The following HTR1F variants were observed in gnomAD, a reference collection of about 807,000 sequenced individuals.
HTR1F encodes 5-hydroxytryptamine (serotonin) receptor 1F, G protein-coupled.
In HTR1F, 17 loss-of-function variants were observed where a neutral mutation model predicts 24.0. That is an observed-to-expected ratio of 0.71 (90% confidence interval 0.48 to 1.06). The LOEUF (loss-of-function observed/expected upper bound fraction) is 1.06, where lower values mean the gene tolerates loss of function less well. HTR1F is among the 50% of genes least tolerant of loss of function. The pLI, the probability that HTR1F is intolerant of heterozygous loss-of-function variation, is 0.00. For synonymous variants in HTR1F, 186 were observed against 156.8 expected (o/e 1.19, Z -1.39); for missense variants, 391 against 427.8 (o/e 0.91, Z 0.76).
At chr3:87,854,720 T>C (rs2107214844) in intron 2 of HTR1F, among the ~76,000 whole-genome samples, 1 of 152,210 alleles carries the variant, frequency 6.6e-6, no homozygotes, top group South Asian at 2.1e-4. Context: ...TAAAAATTTA[T>C]TTGCAACAGA....
chr3:87,970,253 A>C (rs1487003888), intron 2 of HTR1F, among the ~76,000 whole-genome samples: 1 of 152,214 alleles, frequency 6.6e-6, no homozygotes, highest in Non-Finnish European at 1.5e-5. Flanking sequence ...AACAGCTAGA[A>C]CAATAGTTCT....
intron 2 of HTR1F, among the ~76,000 whole-genome samples, chr3:87,827,902 T>G (rs1704497546): frequency 1.3e-5 from 2 of 152,164 alleles, no homozygotes; most frequent in African/African-American, 2.4e-5. Context: ...AACTGTACCC[T>G]TCTCTCCTGG....
intron 1 of HTR1F, among the ~76,000 whole-genome samples, chr3:87,799,000 CA>C (rs1275669155): frequency 6.6e-6 from 1 of 151,898 alleles, no homozygotes; most frequent in Non-Finnish European, 1.5e-5. Flanking sequence ...TTGAGAGTCT[CA>C]AAACAAAAAT....
At chr3:87,825,889 A>AC (rs1704452674) in intron 2 of HTR1F, among the ~76,000 whole-genome samples, 1 of 152,186 alleles carries the variant, frequency 6.6e-6, no homozygotes, top group Non-Finnish European at 1.5e-5. Context: ...ATCCCATTGT[A>AC]GGGACATACC....
intron 2 of HTR1F, among the ~76,000 whole-genome samples, chr3:87,940,350 C>A (rs1477924130): frequency 6.6e-6 from 1 of 152,130 alleles, no homozygotes; most frequent in East Asian, 1.9e-4. Flanking sequence ...TTCCTATACA[C>A]AAATAATAGA....
intron 1 of HTR1F, among the ~76,000 whole-genome samples, chr3:87,815,098 C>G (rs770875372): frequency 1.3e-5 from 2 of 151,982 alleles, no homozygotes; most frequent in African/African-American, 2.4e-5. Context: ...ATTGAGTGGA[C>G]CAACCTATGG....
chr3:87,955,889 A>C (rs1004882168), intron 2 of HTR1F, among the ~76,000 whole-genome samples: 2 of 151,328 alleles, frequency 1.3e-5, no homozygotes, highest in Non-Finnish European at 3.0e-5. Context: ...GTTTTTTTAA[A>C]TGAGTTATTA....
Position 87,991,269 on chromosome 3 carries a change from A to C in HTR1F, c.520A>C (p.Ile174Leu), listed in dbSNP as rs1421603998. 1.9e-6 allele frequency: 3 copies of C among 1,613,988 alleles called. No homozygotes were observed. The African/African-American group carries it at 4.0e-5, about 22-fold the overall frequency. Residue 174 changes from isoleucine (I) to leucine (L), a missense_variant, in exon 3 of 3, where the codon ATC (isoleucine) becomes CTC (leucine). By Grantham distance (5) the Ile-to-Leu change is conservative (BLOSUM62 2). Transcript: ENST00000319595. ...QGTSRDDECI[I>L]KHDHIVSTIY... ...AACTAGCAGAGATGATGAATGCATCATCAAGCACGACCACATTGTTTCCAC... is the reference window on the plus strand; with the variant it reads ...AACTAGCAGAGATGATGAATGCATCCTCAAGCACGACCACATTGTTTCCAC...
At chr3:87,883,434 C>G (rs536705474) in intron 2 of HTR1F, among the ~76,000 whole-genome samples, 1 of 152,114 alleles carries the variant, frequency 6.6e-6, no homozygotes, top group Non-Finnish European at 1.5e-5. Context: ...GATTACAGCT[C>G]CTTGCCAGCA....
chr3:87,882,061 A>T (rs1312169794), intron 2 of HTR1F, among the ~76,000 whole-genome samples: 4 of 152,248 alleles, frequency 2.6e-5, no homozygotes, highest in Non-Finnish European at 5.9e-5. Flanking sequence ...ACATGAACAG[A>T]CACTTCTCAA....
chr3:87,925,755 A>G (rs1024193014), intron 2 of HTR1F, among the ~76,000 whole-genome samples: 2 of 152,076 alleles, frequency 1.3e-5, no homozygotes, highest in African/African-American at 4.8e-5. Flanking sequence ...TTCTGTAGCT[A>G]TGATTGCAGG....
intron 2 of HTR1F, among the ~76,000 whole-genome samples, chr3:87,853,650 C>T (rs1423616618): frequency 6.6e-6 from 1 of 151,930 alleles, no homozygotes; most frequent in Non-Finnish European, 1.5e-5. Flanking sequence ...TTGCTTTCCA[C>T]AAGGGTTGAA....
chr3:87,815,367 C>A (rs554438198), intron 1 of HTR1F, among the ~76,000 whole-genome samples: 1 of 151,964 alleles, frequency 6.6e-6, no homozygotes, highest in Non-Finnish European at 1.5e-5. Context: ...TTAATATATT[C>A]CAAATGCAAA....
intron 2 of HTR1F, among the ~76,000 whole-genome samples, chr3:87,907,160 A>G (rs1703684561): frequency 6.6e-6 from 1 of 151,618 alleles, no homozygotes; most frequent in Admixed American, 6.6e-5. Flanking sequence ...CCAACATGTA[A>G]AAGTGTTCCC....
intron 2 of HTR1F, among the ~76,000 whole-genome samples, chr3:87,901,029 A>G (rs966144082): frequency 2.0e-5 from 3 of 152,188 alleles, no homozygotes; most frequent in Admixed American, 2.0e-4. Flanking sequence ...GGTCTAGGAT[A>G]GACACTCCAC....
intron 2 of HTR1F, among the ~76,000 whole-genome samples, chr3:87,826,232 G>A (rs1358717749): frequency 6.6e-6 from 1 of 152,180 alleles, no homozygotes; most frequent in African/African-American, 2.4e-5. Flanking sequence ...ACCTGGGTGA[G>A]ACCATATTCT....
chr3:87,816,720 G>A (rs1213025060), intron 1 of HTR1F, among the ~76,000 whole-genome samples: 1 of 152,058 alleles, frequency 6.6e-6, no homozygotes, highest in Non-Finnish European at 1.5e-5. Context: ...CAGTCTGAAT[G>A]AGCATAGAAC....
At chr3:87,866,736 T>C (rs1251433551) in intron 2 of HTR1F, among the ~76,000 whole-genome samples, 1 of 151,930 alleles carries the variant, frequency 6.6e-6, no homozygotes, top group Non-Finnish European at 1.5e-5. Flanking sequence ...CTACAGTTTC[T>C]CTTAACGTAG....
intron 2 of HTR1F, among the ~76,000 whole-genome samples, chr3:87,851,890 C>A (rs1429994310): frequency 4.2e-5 from 6 of 144,192 alleles, no homozygotes; most frequent in Admixed American, 2.9e-4. Flanking sequence ...ATTCTCAGAG[C>A]AAACAGGAAA....
Sources: gnomAD v4.1 joint callset for allele counts (sites outside exome capture counted in the v4.1 genomes callset) on GRCh38, gnomAD v4.1.1 for gene constraint, MANE v1.5 for transcripts, NCBI Gene and HGNC (gene_info 2026-07-23, HGNC 2026-07-21) for gene names.